Variants in XPR1 observed in about 807,000 individuals in gnomAD.
The protein encoded by XPR1 is xenotropic and polytropic retrovirus receptor 1.
In XPR1, 28 loss-of-function variants were observed where a neutral mutation model predicts 87.5. The ratio of observed to expected loss-of-function variants is 0.32; its 90% CI spans 0.24 to 0.44. The LOEUF (loss-of-function observed/expected upper bound fraction) is 0.44, where lower values mean the gene tolerates loss of function less well. XPR1 is among the 20% of genes least tolerant of loss of function. The pLI is 1.00. For missense variants in XPR1, 559 were observed against 862.3 expected, an observed-to-expected ratio of 0.65 and a Z score of 4.41; for synonymous variants, 300 against 306.1, an observed-to-expected ratio of 0.98 and a Z score of 0.21.
At chr1:180,814,528 TC>T (rs992823377) in intron 7 of XPR1, among the ~76,000 whole-genome samples, 5 of 152,342 alleles carry the variant, frequency 3.3e-5, no homozygotes, top group African/African-American at 9.6e-5. Flanking sequence ...AACAGTTTCC[TC>T]ATCTGTTAAA....
Position 180,834,984 on chromosome 1 carries a change from C to G in XPR1, c.1245C>G (p.Cys415Trp). 6.2e-7 allele frequency: 1 copy of G among 1,614,038 alleles called. No individual in the cohort carries two copies. Among genetic ancestry groups the G allele is most frequent in the Non-Finnish European group, 8.5e-7 (1 of 1,179,996 alleles). The part of the protein sequence containing the change: ...VILMDLEYMI[C>W]FYSLELKWDE... ...TGATGGACCTGGAATATATGATCTG[C>G]TTCTACAGTTTGGAGCTCAAATGGG... Residue 415 changes from cysteine (C) to tryptophan (W), a missense_variant, in exon 10 of 15, where the codon TGC becomes TGG. Cys to Trp is a radical substitution (Grantham distance 215, BLOSUM62 -2). Coordinates refer to ENST00000367590, the MANE Select transcript of XPR1 (RefSeq NM_004736.4).
intron 2 of XPR1, among the ~76,000 whole-genome samples, chr1:180,696,929 A>T (rs1657194453): frequency 1.3e-5 from 2 of 152,040 alleles, no homozygotes; most frequent in Admixed American, 1.3e-4. Flanking sequence ...TTTGTCAGAG[A>T]TATTGGCCTG....
intron 2 of XPR1, among the ~76,000 whole-genome samples, chr1:180,719,672 T>G (rs1302246083): frequency 1.3e-5 from 2 of 152,214 alleles, no homozygotes; most frequent in Non-Finnish European, 2.9e-5. Flanking sequence ...ATGCAATGTG[T>G]AATGATCAAA....
chr1:180,816,666 C>T (rs1650422929), intron 7 of XPR1, among the ~76,000 whole-genome samples: 1 of 152,178 alleles, frequency 6.6e-6, no homozygotes, highest in Non-Finnish European at 1.5e-5. Flanking sequence ...TAATGGACGG[C>T]ATAGCCATCA....
chr1:180,702,373 G>T (rs1168380394), intron 2 of XPR1, among the ~76,000 whole-genome samples: 1 of 147,068 alleles, frequency 6.8e-6, no homozygotes, highest in East Asian at 2.0e-4. Flanking sequence ...GGTCAATTTT[G>T]GAATAGGTGT....
chr1:180,766,089 T>C (rs567384556), intron 2 of XPR1, among the ~76,000 whole-genome samples: 239 of 152,300 alleles, frequency 1.6e-3, no homozygotes, highest in African/African-American at 4.7e-3. Context: ...TGGTCCACTA[T>C]CTCTGTCATC....
chr1:180,759,346 A>G (rs573147991), intron 2 of XPR1, among the ~76,000 whole-genome samples: 31 of 152,324 alleles, frequency 2.0e-4, no homozygotes, highest in African/African-American at 7.2e-4. Context: ...TTGAAAGATC[A>G]ACAAAATCGA....
At chr1:180,656,643 T>TTTTATATATGTATGTATAATA in intron 1 of XPR1, among the ~76,000 whole-genome samples, 1 of 113,478 alleles carries the variant, frequency 8.8e-6, no homozygotes, top group Non-Finnish European at 1.7e-5. Context: ...GTATAATATA[T>TTTTATATATGTATGTATAATA]TATTATATAT....
At chr1:180,661,964 A>AT (rs1466302810) in intron 1 of XPR1, among the ~76,000 whole-genome samples, 1 of 152,194 alleles carries the variant, frequency 6.6e-6, no homozygotes, top group East Asian at 1.9e-4. Context: ...AAGAAAACTA[A>AT]TAAAAACTCT....
chr1:180,698,432 A>G (rs950472598), intron 2 of XPR1, among the ~76,000 whole-genome samples: 2 of 152,126 alleles, frequency 1.3e-5, no homozygotes, highest in Non-Finnish European at 2.9e-5. Flanking sequence ...CAAGGTTATT[A>G]TTGATAGGTG....
chr1:180,729,371 A>G (rs1312890231), intron 2 of XPR1, among the ~76,000 whole-genome samples: 1 of 152,160 alleles, frequency 6.6e-6, no homozygotes, highest in Non-Finnish European at 1.5e-5. Context: ...AGTGAGAATG[A>G]TAGTTCTGTT....
At chr1:180,824,535 C>G (rs1230997316) in intron 7 of XPR1, among the ~76,000 whole-genome samples, 1 of 151,992 alleles carries the variant, frequency 6.6e-6, no homozygotes, top group African/African-American at 2.4e-5. Context: ...GAGCCGAGAT[C>G]ACGCCATTGC....
intron 3 of XPR1, among the ~76,000 whole-genome samples, chr1:180,788,296 ATG>A (rs1558008548): frequency 6.6e-6 from 1 of 152,216 alleles, no homozygotes. Context: ...TGCCACTCGA[ATG>A]TGAGAATAAA....
intron 1 of XPR1, among the ~76,000 whole-genome samples, chr1:180,658,204 T>G (rs78113689): frequency 0.012 from 1,858 of 152,328 alleles, 25 homozygotes; most frequent in Middle Eastern, 0.031. Flanking sequence ...GTTTAGGTTT[T>G]TCCAATTATA....
intron 9 of XPR1, among the ~76,000 whole-genome samples, chr1:180,829,297 A>G (rs1273451976): frequency 1.3e-5 from 2 of 152,196 alleles, no homozygotes; most frequent in Non-Finnish European, 1.5e-5. Context: ...GCTATCCAGA[A>G]TTGTCTCTGG....
intron 2 of XPR1, among the ~76,000 whole-genome samples, chr1:180,731,593 G>C (rs1227318847): frequency 6.6e-6 from 1 of 152,160 alleles, no homozygotes; most frequent in Non-Finnish European, 1.5e-5. Flanking sequence ...TAATTTCTAT[G>C]TCCATCCAAA....
At chr1:180,681,234 T>C (rs1293897716) in intron 1 of XPR1, among the ~76,000 whole-genome samples, 1 of 152,144 alleles carries the variant, frequency 6.6e-6, no homozygotes, top group Non-Finnish European at 1.5e-5. Context: ...ACAAAAAAAT[T>C]ATAGATGTTT....
chr1:180,650,275 G>A (rs993892157), intron 1 of XPR1, among the ~76,000 whole-genome samples: 2 of 151,352 alleles, frequency 1.3e-5, no homozygotes, highest in African/African-American at 4.9e-5. Flanking sequence ...TTGCTTTGTT[G>A]CCCTGGCTGG....
rs1254884624 is a variant in XPR1 at position 180,803,495 on chromosome 1, A to G, written c.331A>G (p.Arg111Gly). 1 of 1,613,908 alleles carries G rather than the reference A, an allele frequency of 6.2e-7. No individual in the cohort carries two copies. The highest frequency in any genetic ancestry group is 8.5e-7 in the Non-Finnish European group (1 of 1,180,002). ...TGGTGTTACTACGCTGCGACAACGC[A>G]GAAAGCCAGTCTTCCACTTGTCCCA... ...STGVTTLRQRRKPVFHLSHEE... is the reference protein window; with the variant it reads ...STGVTTLRQRGKPVFHLSHEE... Residue 111 changes from arginine (R) to glycine (G), a missense_variant, in exon 4 of 15, where the codon AGA becomes GGA. Arg to Gly is a moderately radical substitution (Grantham distance 125). Coordinates refer to ENST00000367590, the MANE Select transcript of XPR1 (RefSeq NM_004736.4).
Sources: allele counts gnomAD v4.1 joint callset (sites outside exome capture counted in the v4.1 genomes callset), GRCh38; gene constraint gnomAD v4.1.1; transcripts MANE v1.5; gene names NCBI Gene and HGNC (gene_info 2026-07-23, HGNC 2026-07-21).